The following PIWIL2 variants were observed in gnomAD, a reference collection of about 807,000 sequenced individuals.
PIWIL2 encodes piwi-like protein 2.
A neutral mutation model predicts 116.5 loss-of-function variants in PIWIL2; 81 were observed. The observed-to-expected ratio is 0.70, with a 90% CI of 0.58 to 0.84. The LOEUF (loss-of-function observed/expected upper bound fraction) is 0.84, where lower values mean the gene tolerates loss of function less well. PIWIL2 is among the 40% of genes least tolerant of loss of function. The probability of loss-of-function intolerance (pLI) is 0.00; values close to 1 mark genes in which losing one functional copy is unlikely to be tolerated. For synonymous variants in PIWIL2, 489 were observed against 429.5 expected (o/e 1.14, Z -1.71); for missense variants, 1,272 against 1,212.3 (o/e 1.05, Z -0.73).
chr8:22,290,114 G>A, intron 9 of PIWIL2, 119 bp from the exon 10 acceptor site: 1 of 718,226 alleles, frequency 1.4e-6, no homozygotes. Flanking sequence ...TTAGTTTCTT[G>A]AGGCTTTCTC....
chr8:22,320,632 C>T (rs563960055), intron 20 of PIWIL2, among the ~76,000 whole-genome samples: 1 of 150,558 alleles, frequency 6.6e-6, no homozygotes, highest in East Asian at 2.0e-4. Context: ...CTCTTATTGC[C>T]CAGGCTGAAG....
intron 20 of PIWIL2, among the ~76,000 whole-genome samples, chr8:22,324,183 A>G (rs1831670898): frequency 1.3e-5 from 2 of 152,152 alleles, no homozygotes; most frequent in South Asian, 4.1e-4. Flanking sequence ...AATCACTTGA[A>G]CCTGGGAGGT....
intron 16 of PIWIL2, among the ~76,000 whole-genome samples, chr8:22,312,007 G>A (rs1044369356): frequency 6.6e-6 from 1 of 151,946 alleles, no homozygotes; most frequent in Non-Finnish European, 1.5e-5. Context: ...CTCACGCCTG[G>A]AATTCCAGCA....
chr8:22,305,112 G>A (rs1033062574), intron 12 of PIWIL2, among the ~76,000 whole-genome samples: 2 of 152,116 alleles, frequency 1.3e-5, no homozygotes, highest in Non-Finnish European at 2.9e-5. Context: ...AAAGAGTTAA[G>A]GAGAATTTCC....
chr8:22,289,934 A>T lies in PIWIL2; in HGVS notation c.1067+7A>T, dbSNP rs1171850439. On this transcript the variant is annotated splice_region_variant and intron_variant, in intron 9 of 22. Coordinates refer to ENST00000356766, the MANE Select transcript of PIWIL2 (RefSeq NM_018068.5). ...TGGTACTACAGCAACACAGGTTGGT[A>T]CTTTTTTCCCTTCCCTCACTTTTGA... The T allele has an allele frequency of 1.3e-6, 2 of 1,584,592 alleles. No individual in the cohort carries two copies. The highest frequency in any genetic ancestry group is 2.7e-5 in the African/African-American group (2 of 74,486).
intron 11 of PIWIL2, among the ~76,000 whole-genome samples, chr8:22,304,517 T>C (rs950708500): frequency 1.3e-5 from 2 of 152,230 alleles, no homozygotes; most frequent in African/African-American, 4.8e-5. Context: ...TGTCATTTCA[T>C]GTTTCTATTG....
rs1199064120 is a variant in PIWIL2 at position 22,306,012 on chromosome 8, T to C, written c.1541T>C (p.Met514Thr). Reference sequence around the variant, plus strand: ...AAGATGAAGAAGGACTTCAGAGCCATGAAGGTTGGAGTCCTGTGTTTTCAG... The same window carrying C: ...AAGATGAAGAAGGACTTCAGAGCCACGAAGGTTGGAGTCCTGTGTTTTCAG... ...PEKMKKDFRA[M>T]KDLAQQINLS... is the part of the protein sequence containing the mutation. Residue 514 changes from methionine to threonine, a missense_variant, in exon 13 of 23, where the codon ATG becomes ACG. Transcript: ENST00000356766. The C allele has an allele frequency of 3.1e-6, 5 of 1,611,022 alleles. No individual in the cohort carries two copies. The highest frequency in any genetic ancestry group is 3.4e-6 in the Non-Finnish European group (4 of 1,177,294).
rs1830728636 is a variant in PIWIL2, at chr8:22,290,248, A to C, written c.1083A>C (p.Pro361=). ...VLQQHRLQIW[P]GYAASIRRTD... is the part of the protein sequence containing the mutation. ...CTCTCTCCAGATTGCAGATCTGGCC[A>C]GGCTATGCAGCTAGCATCCGAAGGA... Residue 361 remains proline (P), a synonymous_variant, in exon 10 of 23, where the codon CCA becomes CCC. Transcript: ENST00000356766. The C allele has an allele frequency of 3.1e-6, 5 of 1,606,296 alleles. No individual in the cohort carries two copies. In the East Asian group the frequency reaches 1.1e-4, roughly 36 times the overall value.
At chr8:22,340,753 C>T (rs560842901) in intron 20 of PIWIL2, among the ~76,000 whole-genome samples, 14 of 152,168 alleles carry the variant, frequency 9.2e-5, no homozygotes, top group African/African-American at 3.4e-4. Context: ...TAGAGTCTTT[C>T]TGTGTCACCC....
chr8:22,349,042 T>C (rs1009488547), intron 20 of PIWIL2, among the ~76,000 whole-genome samples: 1 of 117,082 alleles, frequency 8.5e-6, no homozygotes, highest in Non-Finnish European at 1.9e-5. Flanking sequence ...ATTTCTATTT[T>C]TCTTTTTTCT....
At chr8:22,276,462 C>G (rs1471079806) in intron 1 of PIWIL2, among the ~76,000 whole-genome samples, 1 of 152,126 alleles carries the variant, frequency 6.6e-6, no homozygotes. Context: ...ATTACAGGCG[C>G]AGGCCACCAT....
At chr8:22,323,206 G>A (rs1831645286) in intron 20 of PIWIL2, among the ~76,000 whole-genome samples, 1 of 143,388 alleles carries the variant, frequency 7.0e-6, no homozygotes, top group African/African-American at 2.7e-5. Context: ...GGAGTGCAGT[G>A]GCACATTCTC....
intron 16 of PIWIL2, 51 bp from the exon 17 acceptor site, chr8:22,314,277 A>G (rs1476002645): frequency 1.0e-6 from 1 of 984,254 alleles, no homozygotes. Flanking sequence ...GTCCTGTAAA[A>G]GTCCCCAGAG....
intron 7 of PIWIL2, among the ~76,000 whole-genome samples, chr8:22,287,901 A>G (rs1052867384): frequency 6.6e-6 from 1 of 152,224 alleles, no homozygotes; most frequent in Non-Finnish European, 1.5e-5. Flanking sequence ...AGATTTCTGC[A>G]GGACATCACA....
At chr8:22,327,802 T>TTTGTCGTTTTG (rs761808305) in intron 20 of PIWIL2, among the ~76,000 whole-genome samples, 14 of 152,210 alleles carry the variant, frequency 9.2e-5, no homozygotes, top group Non-Finnish European at 1.6e-4. Flanking sequence ...AATTGGGCTA[T>TTTGTCGTTTTG]TTGTCGTTTT....
At chr8:22,314,477 C>G in intron 17 of PIWIL2, 48 bp downstream of exon 17, 2 of 959,336 alleles carry the variant, frequency 2.1e-6, no homozygotes, top group Non-Finnish European at 3.1e-6. Flanking sequence ...TCTCGCCTCC[C>G]CGAGGCTTGA....
chr8:22,328,096 T>A (rs1317833867), intron 20 of PIWIL2, among the ~76,000 whole-genome samples: 1 of 152,164 alleles, frequency 6.6e-6, no homozygotes, highest in Non-Finnish European at 1.5e-5. Context: ...CTCTTACATA[T>A]AAGTCACTGA....
At chr8:22,322,020 G>GT in intron 20 of PIWIL2, 5 of 979,066 alleles carry the variant, frequency 5.1e-6, no homozygotes, top group Non-Finnish European at 4.8e-6. Context: ...ATACTGTTTT[G>GT]GTTTTTTTTT....
chr8:22,287,354 A>G (rs969555507), intron 6 of PIWIL2, among the ~76,000 whole-genome samples, 174 bp from the exon 7 acceptor site: 4 of 152,080 alleles, frequency 2.6e-5, no homozygotes, highest in African/African-American at 9.7e-5. Context: ...ATGGTTTCTG[A>G]TGTTTCAGCT....
Sources: gnomAD v4.1 joint callset for allele counts (sites outside exome capture counted in the v4.1 genomes callset) on GRCh38, gnomAD v4.1.1 for gene constraint, MANE v1.5 for transcripts, NCBI Gene and HGNC (gene_info 2026-07-23, HGNC 2026-07-21) for gene names.